Variants in SLC37A3 observed in about 807,000 individuals in gnomAD.
SLC37A3 encodes the protein solute carrier family 37 member 3, also known as sugar phosphate exchanger 3.
Under a neutral mutation model 67.1 loss-of-function variants are expected in SLC37A3, and 51 were observed. The observed-to-expected ratio is 0.76, with a 90% CI of 0.61 to 0.96. SLC37A3 has a LOEUF of 0.96. Among genes scored for constraint, SLC37A3 ranks in the 40% least tolerant of loss-of-function variants. SLC37A3 has a pLI of 0.00. For synonymous variants in SLC37A3, 214 were observed against 231.4 expected, an observed-to-expected ratio of 0.92 and a Z score of 0.68; for missense variants, 508 against 603.0, an observed-to-expected ratio of 0.84 and a Z score of 1.65.
intron 6 of SLC37A3, among the ~76,000 whole-genome samples, chr7:140,357,161 C>A (rs1473047062): frequency 6.6e-6 from 1 of 152,026 alleles, no homozygotes; most frequent in Admixed American, 6.6e-5. Flanking sequence ...CTGAGGTGAG[C>A]CGAGATCACG....
At chr7:140,342,225 T>G (rs180758763) in intron 13 of SLC37A3, among the ~76,000 whole-genome samples, 3 of 152,254 alleles carry the variant, frequency 2.0e-5, no homozygotes, top group African/African-American at 7.2e-5. Flanking sequence ...ACCTCAATAC[T>G]TATCTCTCAT....
At chr7:140,376,571 G>A (rs1466094609) in intron 3 of SLC37A3, among the ~76,000 whole-genome samples, 2 of 152,166 alleles carry the variant, frequency 1.3e-5, no homozygotes, top group Non-Finnish European at 2.9e-5. Flanking sequence ...CCCTGTGTGA[G>A]TTTCCCAGGT....
chr7:140,362,808 C>T (rs563898678), intron 5 of SLC37A3, among the ~76,000 whole-genome samples: 16 of 85,656 alleles, frequency 1.9e-4, no homozygotes, highest in South Asian at 4.9e-4. Context: ...CCAGCCGCCC[C>T]GTCCCGGAGG....
rs750553279 is a variant in SLC37A3 at position 140,343,401 on chromosome 7, T to G, written c.1326+11A>C. ...GACACTAGAATCCCAGCCCCTCTCCTGTTCTCTCACCTGGCCCACTGCAGC... is the reference window on the plus strand; with the variant it reads ...GACACTAGAATCCCAGCCCCTCTCCGGTTCTCTCACCTGGCCCACTGCAGC... On this transcript the variant is annotated intron_variant, in intron 13 of 14. Transcript: ENST00000326232. 1 of 1,612,390 alleles carries G rather than the reference T, an allele frequency of 6.2e-7. No individual in the cohort carries two copies. Among genetic ancestry groups the G allele is most frequent in the African/African-American group, 1.3e-5 (1 of 74,868 alleles).
At chr7:140,362,548 TG>T (rs544981121) in intron 5 of SLC37A3, among the ~76,000 whole-genome samples, 1 of 74,232 alleles carries the variant, frequency 1.3e-5, no homozygotes, top group African/African-American at 5.3e-5. Context: ...GGGAGGGAGG[TG>T]GGGGGTCAGC....
intron 7 of SLC37A3, 109 bp downstream of exon 7, chr7:140,355,559 A>G: frequency 1.0e-6 from 1 of 990,412 alleles, no homozygotes; most frequent in Non-Finnish European, 1.5e-6. Context: ...ATCCAGACAC[A>G]GTTCTACATA....
intron 11 of SLC37A3, 24 bp downstream of exon 11, chr7:140,345,845 T>C: frequency 1.3e-6 from 2 of 1,544,490 alleles, no homozygotes; most frequent in South Asian, 2.2e-5. Context: ...GCAAAGGAAT[T>C]AGTAATTGCA....
intron 1 of SLC37A3, among the ~76,000 whole-genome samples, chr7:140,397,233 A>G (rs1798973009): frequency 7.0e-6 from 1 of 142,092 alleles, no homozygotes; most frequent in Non-Finnish European, 1.5e-5. Flanking sequence ...TGGCTCTGTC[A>G]CCCAGGCTGG....
intron 3 of SLC37A3, among the ~76,000 whole-genome samples, chr7:140,372,404 G>C (rs1797856603): frequency 6.6e-6 from 1 of 152,188 alleles, no homozygotes; most frequent in Non-Finnish European, 1.5e-5. Context: ...ATTAAAATGT[G>C]ATGTCCTTTC....
At position 140,345,230 on chromosome 7, in the gene SLC37A3, A is replaced by G. The variant is rs750419764; in HGVS notation, c.1160T>C (p.Leu387Pro). 1 of 1,614,068 alleles carries G rather than the reference A, an allele frequency of 6.2e-7. No individual in the cohort carries two copies. The highest frequency in any genetic ancestry group is 1.1e-5 in the South Asian group (1 of 91,080). The change falls in exon 12 of 15, where the codon CTG (leucine) becomes CCG (proline). Residue 387 changes from leucine to proline, a missense_variant. Physicochemically the swap from Leu to Pro is moderately conservative, Grantham distance 98. Coordinates refer to ENST00000326232, the MANE Select transcript of SLC37A3 (RefSeq NM_207113.3). ...SPNDKSINALLMTVTGFFIGG... is the reference protein window; with the variant it reads ...SPNDKSINALPMTVTGFFIGG... Reference sequence around the variant, plus strand: ...ATGTGCCGTACCTGTAACAGTCATCAGAAGGGCATTGATGGACTTATCATT... The same window carrying G: ...ATGTGCCGTACCTGTAACAGTCATCGGAAGGGCATTGATGGACTTATCATT...
intron 3 of SLC37A3, among the ~76,000 whole-genome samples, chr7:140,378,755 T>C (rs1342250522): frequency 6.7e-6 from 1 of 148,814 alleles, no homozygotes. Flanking sequence ...AAAAAAAAGA[T>C]TTATGATTCT....
At chr7:140,386,441 T>C (rs1311017839) in intron 1 of SLC37A3, among the ~76,000 whole-genome samples, 3 of 72,862 alleles carry the variant, frequency 4.1e-5, no homozygotes, top group Non-Finnish European at 8.6e-5. Flanking sequence ...TTTGGTCCTA[T>C]GCAATTACAA....
chr7:140,371,379 G>A (rs961854832), intron 3 of SLC37A3, among the ~76,000 whole-genome samples: 1 of 151,944 alleles, frequency 6.6e-6, no homozygotes, highest in African/African-American at 2.4e-5. Context: ...TCGCCATGTT[G>A]GCCAGGATGG....
chr7:140,361,596 C>G (rs1331406789), intron 5 of SLC37A3, among the ~76,000 whole-genome samples: 1 of 144,498 alleles, frequency 6.9e-6, no homozygotes, highest in African/African-American at 2.5e-5. Flanking sequence ...CCTCTGATGC[C>G]GAGCCAAAGC....
chr7:140,335,308 C>A lies in SLC37A3; in HGVS notation c.*104G>T. On this transcript the variant is annotated 3_prime_UTR_variant, in exon 15 of 15. Transcript: ENST00000326232. ...CAGTGTTGAGAGACGCCTGACAATC[C>A]AAGATCAGGCTGGAGCTCCTAGACA... 1 of 1,614,128 alleles carries A rather than the reference C, an allele frequency of 6.2e-7. No individual in the cohort carries two copies.
chr7:140,345,020 A>C (rs1273280279), intron 12 of SLC37A3, among the ~76,000 whole-genome samples, 196 bp downstream of exon 12: 1 of 152,236 alleles, frequency 6.6e-6, no homozygotes, highest in Non-Finnish European at 1.5e-5. Flanking sequence ...CGCTTCTGTC[A>C]CAATAGGACT....
chr7:140,337,464 T>C, intron 13 of SLC37A3, 115 bp from the exon 14 acceptor site: 2 of 865,472 alleles, frequency 2.3e-6, no homozygotes, highest in Non-Finnish European at 1.7e-6. Flanking sequence ...ACAGGATTTG[T>C]ATGTTTTGCA....
chr7:140,369,692 G>T lies in SLC37A3; in HGVS notation c.199-10C>A. 6.2e-7 allele frequency: 1 copy of T among 1,611,476 alleles called. No homozygotes were observed. Among genetic ancestry groups the T allele is most frequent in the South Asian group, 1.1e-5 (1 of 90,990 alleles). ...GGTTGCTGCTCCAGATCTACAGTAA[G>T]ACAGCAGGAACAGGTCAGTCCCTGT... is the stretch of plus-strand genomic sequence containing the variant. On this transcript the variant is annotated splice_polypyrimidine_tract_variant and intron_variant, in intron 3 of 14. Transcript: ENST00000326232.
intron 3 of SLC37A3, among the ~76,000 whole-genome samples, chr7:140,375,474 C>CA (rs11292852): frequency 0.038 from 5,339 of 139,896 alleles, 335 homozygotes; most frequent in African/African-American, 0.13. Flanking sequence ...GACTCCGTCT[C>CA]AAAAAAAAAA....
Sources: gnomAD v4.1 joint callset for allele counts (sites outside exome capture counted in the v4.1 genomes callset) on GRCh38, gnomAD v4.1.1 for gene constraint, MANE v1.5 for transcripts, NCBI Gene and HGNC (gene_info 2026-07-23, HGNC 2026-07-21) for gene names.